The following BRD7 variants were observed in gnomAD, a reference collection of about 807,000 sequenced individuals.
BRD7 encodes bromodomain-containing protein 7.
A neutral mutation model predicts 82.1 loss-of-function variants in BRD7; 15 were observed. The observed-to-expected ratio is 0.18, with a 90% CI of 0.12 to 0.28. The LOEUF (loss-of-function observed/expected upper bound fraction) is 0.28, where lower values mean the gene tolerates loss of function less well. Among genes scored for constraint, BRD7 ranks in the 10% least tolerant of loss-of-function variants. The pLI is 1.00. For synonymous variants in BRD7, 232 were observed against 266.9 expected (o/e 0.87, Z 1.27); for missense variants, 638 against 779.9 (o/e 0.82, Z 2.17).
intron 7 of BRD7, 151 bp from the exon 8 acceptor site, chr16:50,333,848 G>C: frequency 3.0e-6 from 2 of 659,818 alleles, no homozygotes; most frequent in South Asian, 2.4e-5. Flanking sequence ...ACCTGTTAAG[G>C]GTCTCTAATT....
At chr16:50,324,401 A>G (rs1257939508) in intron 11 of BRD7, among the ~76,000 whole-genome samples, 1 of 152,110 alleles carries the variant, frequency 6.6e-6, no homozygotes, top group Non-Finnish European at 1.5e-5. Context: ...TTTAAACATC[A>G]TAATCTGGAC....
intron 9 of BRD7, among the ~76,000 whole-genome samples, chr16:50,327,075 C>T (rs1240925969): frequency 6.6e-6 from 1 of 152,208 alleles, no homozygotes; most frequent in African/African-American, 2.4e-5. Flanking sequence ...GTGGTGAAGG[C>T]ACTGTTAAGC....
At chr16:50,368,678 G>A in intron 1 of BRD7, 48 bp downstream of exon 1, 2 of 1,532,352 alleles carry the variant, frequency 1.3e-6, no homozygotes, top group Non-Finnish European at 1.8e-6. Context: ...GCGGAAGCCC[G>A]GCAGAGCCGC....
intron 2 of BRD7, among the ~76,000 whole-genome samples, chr16:50,364,907 T>C (rs1266374344): frequency 6.6e-6 from 1 of 152,110 alleles, no homozygotes; most frequent in Non-Finnish European, 1.5e-5. Flanking sequence ...ACCAGAGTGG[T>C]TCAAAGTGGT....
At position 50,367,253 on chromosome 16, in the gene BRD7, C is replaced by T. The variant is rs904352737; in HGVS notation, c.258+837G>A. Among the ~76,000 whole-genome samples the T allele has an allele frequency of 5.3e-5, 8 of 152,276 alleles. 1 individual carries two copies. The highest frequency in any genetic ancestry group is 3.9e-4 in the Admixed American group (6 of 15,300). ...GTTATTATTATTAGAGACAGAGTCT[C>T]GTATTATTGCCCAGGCTGGAGTGCA... On this transcript the variant is annotated intron_variant, in intron 2 of 16. Transcript: ENST00000394688.
intron 4 of BRD7, among the ~76,000 whole-genome samples, chr16:50,352,261 C>A (rs921054257): frequency 6.6e-6 from 1 of 152,160 alleles, no homozygotes; most frequent in African/African-American, 2.4e-5. Flanking sequence ...ACATGAAAAC[C>A]CAATCATTAC....
intron 5 of BRD7, among the ~76,000 whole-genome samples, chr16:50,343,565 C>G (rs371502225): frequency 1.3e-5 from 2 of 152,192 alleles, no homozygotes; most frequent in African/African-American, 4.8e-5. Context: ...CCAAGGGAAG[C>G]TGTGACAGAC....
Position 50,326,337 on chromosome 16 carries a change from C to G in BRD7, c.1142G>C (p.Gly381Ala). Residue 381 changes from glycine to alanine, a missense_variant, in exon 10 of 17, where the codon GGA becomes GCA. Transcript: ENST00000394688. ...TTTGAACCCCTGCAAAGTATTCACT[C>G]CAGACTGAAGTCTTCCAGTTGTCAT... ...LGMTTGRLQS[G>A]VNTLQGFKED... 1.2e-6 allele frequency: 2 copies of G among 1,606,832 alleles called. No homozygotes were observed. Among genetic ancestry groups the G allele is most frequent in the Non-Finnish European group, 1.7e-6 (2 of 1,174,526 alleles).
chr16:50,362,495 ACAATTCATGTTC>A (rs781210119), intron 2 of BRD7, among the ~76,000 whole-genome samples: 1 of 152,012 alleles, frequency 6.6e-6, no homozygotes, highest in Non-Finnish European at 1.5e-5. Flanking sequence ...AGAACTTTGT[ACAATTCATGTTC>A]CTCGCAGCAT....
Position 50,368,945 on chromosome 16 carries a change from C to T in BRD7, c.-171G>A. The T allele has an allele frequency of 5.4e-6, 1 of 186,842 alleles. No homozygotes were observed. The highest frequency in any genetic ancestry group is 9.7e-6 in the Non-Finnish European group (1 of 103,152). 11.6% of individuals were successfully genotyped at this position (186,842 alleles called of 1,614,324 possible). A position where few individuals can be genotyped will look rare whatever the true frequency, so the allele number is the denominator to read the frequency against. On this transcript the variant is annotated 5_prime_UTR_variant, in exon 1 of 17. Transcript: ENST00000394688. ...CGCGATGCCCCTCTCGAGAAGACGG[C>T]GCGCGAGACCCGGCCGGAGCCCGAG... is the stretch of plus-strand genomic sequence containing the variant.
At chr16:50,355,304 G>C (rs1210363176) in intron 2 of BRD7, among the ~76,000 whole-genome samples, 2 of 152,134 alleles carry the variant, frequency 1.3e-5, no homozygotes, top group Non-Finnish European at 2.9e-5. Flanking sequence ...CCTCTCTCAA[G>C]TTATCAATAC....
intron 11 of BRD7, among the ~76,000 whole-genome samples, chr16:50,324,696 G>A (rs1489947663): frequency 6.6e-6 from 1 of 152,156 alleles, no homozygotes; most frequent in Non-Finnish European, 1.5e-5. Flanking sequence ...TTATCTGACC[G>A]ATTTAAAAGT....
chr16:50,325,932 A>C (rs760543184), intron 10 of BRD7, 49 bp from the exon 11 acceptor site: 4 of 1,517,178 alleles, frequency 2.6e-6, no homozygotes, highest in Non-Finnish European at 3.5e-6. Context: ...CTTGCATGTC[A>C]ATCTATTTTG....
In BRD7 at chr16:50,365,806, A is replaced by G. The variant is rs143541029; in HGVS notation, c.258+2284T>C. 8.7e-4 allele frequency among the ~76,000 whole-genome samples: 133 copies of G among 152,228 alleles called. 1 individual carries two copies. The East Asian group carries it at 0.022, about 25-fold the overall frequency. On this transcript the variant is annotated intron_variant, in intron 2 of 16. Coordinates refer to ENST00000394688, the MANE Select transcript of BRD7 (RefSeq NM_013263.5). ...CACCCAGAAAAAATATGAGAAAAAC[A>G]TAAGAAAATTAGAGGATCAGTTCAG...
At chr16:50,360,496 T>C (rs997195861) in intron 2 of BRD7, among the ~76,000 whole-genome samples, 22 of 152,338 alleles carry the variant, frequency 1.4e-4, no homozygotes, top group African/African-American at 5.1e-4. Context: ...CAGCATTTGC[T>C]ACACACGTTA....
chr16:50,361,544 C>T (rs1438708988), intron 2 of BRD7, among the ~76,000 whole-genome samples: 1 of 152,188 alleles, frequency 6.6e-6, no homozygotes, highest in African/African-American at 2.4e-5. Context: ...CTCGTCTGAG[C>T]TATTTCAATA....
chr16:50,328,647 C>T (rs745750643), intron 9 of BRD7, 22 bp downstream of exon 9: 1 of 1,599,732 alleles, frequency 6.3e-7, no homozygotes, highest in East Asian at 2.2e-5. Context: ...CAAGTTCATG[C>T]ACAGTTTTAC....
chr16:50,328,812 C>T (rs534329734), intron 8 of BRD7, 68 bp from the exon 9 acceptor site: 59 of 1,433,786 alleles, frequency 4.1e-5, no homozygotes, highest in South Asian at 1.9e-4. Context: ...ATCCTTTATC[C>T]GAAATGCTTG....
intron 13 of BRD7, among the ~76,000 whole-genome samples, chr16:50,321,326 C>T (rs1001257269): frequency 2.6e-5 from 4 of 151,968 alleles, no homozygotes; most frequent in South Asian, 2.1e-4. Flanking sequence ...TTCGGGAGGC[C>T]GAGGTGGGCG....
Sources: gnomAD v4.1 joint callset for allele counts (sites outside exome capture counted in the v4.1 genomes callset) on GRCh38, gnomAD v4.1.1 for gene constraint, MANE v1.5 for transcripts, NCBI Gene and HGNC (gene_info 2026-07-23, HGNC 2026-07-21) for gene names.